Variants in RAD51B observed in about 807,000 individuals in gnomAD.
RAD51B encodes the protein DNA repair protein RAD51 homolog 2.
Under a neutral mutation model 42.2 loss-of-function variants are expected in RAD51B, and 38 were observed. The ratio of observed to expected loss-of-function variants is 0.90; its 90% CI spans 0.70 to 1.18. RAD51B has a LOEUF of 1.18. Ranked by LOEUF, RAD51B falls within the 50% of genes most tolerant of loss-of-function variation. RAD51B has a pLI of 0.00. For synonymous variants in RAD51B, 154 were observed against 145.2 expected (o/e 1.06, Z -0.43); for missense variants, 373 against 400.7 (o/e 0.93, Z 0.59).
At chr14:68,143,901 A>G (rs1301773681) in intron 7 of RAD51B, among the ~76,000 whole-genome samples, 7 of 152,132 alleles carry the variant, frequency 4.6e-5, no homozygotes, top group Admixed American at 4.6e-4. Context: ...GGCAAATGTT[A>G]GAACTGATGG....
chr14:67,857,347 A>AAATCTCTT (rs1206721782), intron 4 of RAD51B, among the ~76,000 whole-genome samples: 6 of 152,194 alleles, frequency 3.9e-5, no homozygotes, highest in Non-Finnish European at 8.8e-5. Context: ...ACAAACCCAG[A>AAATCTCTT]AATCTCTTAC....
intron 7 of RAD51B, among the ~76,000 whole-genome samples, chr14:67,992,360 A>G (rs759191467): frequency 1.3e-5 from 2 of 152,218 alleles, no homozygotes; most frequent in African/African-American, 4.8e-5. Context: ...CTCCATATAA[A>G]GAATATTTGT....
In RAD51B at chr14:68,030,844, C is replaced by T. The variant is rs115042174; in HGVS notation, c.756+143640C>T. ...AAGAGACATGCAACTCTTCCTTTAA[C>T]GTGAACACCTAGAGGCCACTGTAGG... On this transcript the variant is annotated intron_variant, in intron 7 of 10. Coordinates refer to ENST00000471583, the MANE Select transcript of RAD51B (RefSeq NM_133510.4). Among the ~76,000 whole-genome samples, 303 of 152,244 alleles carry T rather than the reference C, an allele frequency of 2.0e-3. 1 individual carries two copies. Among genetic ancestry groups the T allele is most frequent in the African/African-American group, 6.3e-3 (260 of 41,522 alleles).
chr14:67,941,013 C>A (rs1401606803), intron 7 of RAD51B, among the ~76,000 whole-genome samples: 5 of 152,136 alleles, frequency 3.3e-5, no homozygotes, highest in Non-Finnish European at 5.9e-5. Context: ...AAGCCCTAAA[C>A]TGTGCACATG....
intron 4 of RAD51B, among the ~76,000 whole-genome samples, chr14:67,854,180 G>C (rs947831483): frequency 7.9e-5 from 12 of 152,098 alleles, no homozygotes; most frequent in Admixed American, 7.9e-4. Context: ...CACATATACT[G>C]TATATCTGTT....
intron 8 of RAD51B, among the ~76,000 whole-genome samples, chr14:68,361,769 A>G (rs563481117): frequency 6.6e-6 from 1 of 152,252 alleles, no homozygotes; most frequent in East Asian, 1.9e-4. Context: ...TCCATGTCCC[A>G]GGTTCGAGAG....
At chr14:68,597,710 G>C (rs141573517), downstream of RAD51B, among the ~76,000 whole-genome samples, 1 of 151,852 alleles carries the variant, frequency 6.6e-6, no homozygotes, top group African/African-American at 2.4e-5. Context: ...TTAATACCTG[G>C]GTGATGAAAT....
chr14:68,428,912 C>A (rs1281588692), intron 9 of RAD51B, among the ~76,000 whole-genome samples: 3 of 150,998 alleles, frequency 2.0e-5, no homozygotes, highest in Non-Finnish European at 1.5e-5. Flanking sequence ...CCACTCCCCC[C>A]ACCCCACGAC....
chr14:68,654,997 T>G (rs1892781105), intron 11 of RAD51B, among the ~76,000 whole-genome samples: 1 of 152,126 alleles, frequency 6.6e-6, no homozygotes, highest in South Asian at 2.1e-4. Context: ...GAGGCTGGGA[T>G]GGAGACACCT....
chr14:68,050,751 A>G (rs1259615982), intron 7 of RAD51B, among the ~76,000 whole-genome samples: 4 of 152,130 alleles, frequency 2.6e-5, no homozygotes, highest in African/African-American at 4.8e-5. Context: ...TTATGTTAAC[A>G]AGCTGTGTGT....
intron 7 of RAD51B, among the ~76,000 whole-genome samples, chr14:68,074,598 C>G (rs2076803436): frequency 6.6e-6 from 1 of 152,158 alleles, no homozygotes; most frequent in Non-Finnish European, 1.5e-5. Flanking sequence ...GTAAGGGAGA[C>G]ACTCTGGCTT....
intron 9 of RAD51B, among the ~76,000 whole-genome samples, chr14:68,465,044 T>C (rs2085939556): frequency 6.6e-6 from 1 of 152,202 alleles, no homozygotes; most frequent in East Asian, 1.9e-4. Flanking sequence ...CAGATGCCAT[T>C]CTTGTGTCTC....
chr14:68,122,673 T>A (rs528696504), intron 7 of RAD51B, among the ~76,000 whole-genome samples: 1 of 152,330 alleles, frequency 6.6e-6, no homozygotes, highest in South Asian at 2.1e-4. Context: ...GACTAAGCAA[T>A]TCCACTTAAG....
At chr14:68,465,357 G>T (rs2085948628) in intron 9 of RAD51B, among the ~76,000 whole-genome samples, 1 of 152,080 alleles carries the variant, frequency 6.6e-6, no homozygotes. Flanking sequence ...TATTGGAGTT[G>T]CTTCCTAACT....
intron 7 of RAD51B, among the ~76,000 whole-genome samples, chr14:67,977,244 C>G (rs942391743): frequency 6.6e-6 from 1 of 152,106 alleles, no homozygotes; most frequent in African/African-American, 2.4e-5. Flanking sequence ...TGAGTGTATC[C>G]TGGTTGATTG....
intron 7 of RAD51B, among the ~76,000 whole-genome samples, chr14:68,264,927 G>A (rs538644673): frequency 7.5e-4 from 114 of 152,120 alleles, no homozygotes; most frequent in Non-Finnish European, 1.4e-3. Context: ...CATGGAATAG[G>A]GAACTCTGCC....
chr14:68,133,954 A>G (rs946786397), intron 7 of RAD51B, among the ~76,000 whole-genome samples: 37 of 152,192 alleles, frequency 2.4e-4, no homozygotes, highest in African/African-American at 8.7e-4. Context: ...CTGGAAACCA[A>G]TATGGGTACA....
chr14:67,850,179 A>G (rs1344142739), intron 4 of RAD51B, among the ~76,000 whole-genome samples: 2 of 152,082 alleles, frequency 1.3e-5, no homozygotes, highest in Admixed American at 6.6e-5. Context: ...AATTATTTGT[A>G]TAGACAGTGT....
intron 10 of RAD51B, among the ~76,000 whole-genome samples, chr14:68,575,554 T>C (rs914869060): frequency 6.6e-6 from 1 of 152,174 alleles, no homozygotes; most frequent in Non-Finnish European, 1.5e-5. Context: ...CCTTGCGGCA[T>C]GGTAGATTGT....
Sources: allele counts gnomAD v4.1 joint callset (sites outside exome capture counted in the v4.1 genomes callset), GRCh38; gene constraint gnomAD v4.1.1; transcripts MANE v1.5; gene names NCBI Gene and HGNC (gene_info 2026-07-23, HGNC 2026-07-21).